MRE11: variants seen among roughly 807,000 people sequenced by gnomAD.
The protein encoded by MRE11 is double-strand break repair protein MRE11.
MRE11 carries 62 observed loss-of-function variants against 91.7 expected under a neutral mutation model. The observed-to-expected ratio is 0.68, with a 90% CI of 0.55 to 0.84. MRE11 has a LOEUF of 0.84. Ranked by LOEUF, MRE11 falls within the 40% of genes least tolerant of loss-of-function variation. The pLI is 0.00. For synonymous variants in MRE11, 273 were observed against 271.4 expected (o/e 1.01, Z -0.06); for missense variants, 796 against 852.9 (o/e 0.93, Z 0.83).
chr11:94,477,418 T>C (rs1175867805), intron 6 of MRE11, among the ~76,000 whole-genome samples: 1 of 152,112 alleles, frequency 6.6e-6, no homozygotes, highest in Non-Finnish European at 1.5e-5. Context: ...AAATATTAAA[T>C]ATTATAAAAG....
chr11:94,433,417 C>T (rs1448763115), intron 18 of MRE11, among the ~76,000 whole-genome samples: 1 of 152,212 alleles, frequency 6.6e-6, no homozygotes, highest in East Asian at 1.9e-4. Context: ...TCATCTCAAA[C>T]AACCTCCTTT....
the MRE11 span, among the ~76,000 whole-genome samples, chr11:94,509,404 T>C: frequency 2.0e-5 from 3 of 152,172 alleles, no homozygotes; most frequent in African/African-American, 7.2e-5. Flanking sequence ...CCTTGATAAA[T>C]TTATTAATTC....
the MRE11 span, among the ~76,000 whole-genome samples, chr11:94,507,798 T>C: frequency 9.2e-4 from 140 of 152,314 alleles, 1 homozygote; most frequent in African/African-American, 3.2e-3. Context: ...TTTCATGAAG[T>C]GCTTCATCTT....
upstream of MRE11, chr11:94,496,723 A>G: frequency 6.3e-7 from 1 of 1,599,202 alleles, no homozygotes; most frequent in Non-Finnish European, 8.5e-7. Context: ...ATGATGATGG[A>G]ATACCAGACC....
chr11:94,438,398 C>T (rs992832730), intron 16 of MRE11, among the ~76,000 whole-genome samples: 3 of 152,102 alleles, frequency 2.0e-5, no homozygotes, highest in African/African-American at 4.8e-5. Flanking sequence ...GGTTCTGTCC[C>T]CAAACTTGTA....
intron 14 of MRE11, among the ~76,000 whole-genome samples, chr11:94,454,569 T>C (rs1332298344): frequency 6.6e-6 from 1 of 152,128 alleles, no homozygotes. Context: ...TGAAAAAATA[T>C]ATAATATCTT....
the MRE11 span, among the ~76,000 whole-genome samples, chr11:94,503,076 T>A: frequency 6.6e-6 from 1 of 152,228 alleles, no homozygotes; most frequent in Non-Finnish European, 1.5e-5. Context: ...ATCTGCCCTG[T>A]TAAAACTTTA....
intron 14 of MRE11, among the ~76,000 whole-genome samples, chr11:94,454,349 C>G (rs1401355949): frequency 6.6e-6 from 1 of 152,116 alleles, no homozygotes; most frequent in Non-Finnish European, 1.5e-5. Context: ...GCTGAAATTA[C>G]AGGTAAGTCA....
intron 14 of MRE11, among the ~76,000 whole-genome samples, chr11:94,454,307 CAA>C (rs1946193520): frequency 6.6e-6 from 1 of 151,990 alleles, no homozygotes; most frequent in Non-Finnish European, 1.5e-5. Flanking sequence ...CTCCTGAGCT[CAA>C]GAGATCCACC....
chr11:94,511,268 G>A, the MRE11 span, among the ~76,000 whole-genome samples: 1 of 152,188 alleles, frequency 6.6e-6, no homozygotes, highest in Admixed American at 6.5e-5. Context: ...TATGTGAGCT[G>A]CCTGTTCCTC....
At chr11:94,504,223 T>C in the MRE11 span, among the ~76,000 whole-genome samples, 1 of 152,152 alleles carries the variant, frequency 6.6e-6, no homozygotes, top group Non-Finnish European at 1.5e-5. Context: ...TAAAGAGTAA[T>C]GCAGGGTTTT....
the MRE11 span, chr11:94,512,360 A>G: frequency 1.9e-6 from 1 of 531,776 alleles, no homozygotes; most frequent in Admixed American, 4.4e-5. Context: ...CAGCCCCATA[A>G]CTTCAGCACC....
In MRE11 at chr11:94,418,591, C is replaced by T. The variant is rs1169162325; in HGVS notation, c.*1534G>A. 1 of 232,368 alleles carries T rather than the reference C, an allele frequency of 4.3e-6. No homozygotes were observed. Among genetic ancestry groups the T allele is most frequent in the African/African-American group, 2.2e-5 (1 of 45,262 alleles). The allele number at this position is 232,368 out of a possible 1,614,324, so 14.4% of individuals were successfully genotyped here. A position where few individuals can be genotyped will look rare whatever the true frequency, so the allele number is the denominator to read the frequency against. On this transcript the variant is annotated 3_prime_UTR_variant, in exon 20 of 20. Transcript: ENST00000323929. Reference sequence around the variant, plus strand: ...GCACAGCATCATCCAGACACTGCCTCCCCTGGTAGCTTCCATTACATCATG... The same window carrying T: ...GCACAGCATCATCCAGACACTGCCTTCCCTGGTAGCTTCCATTACATCATG...
chr11:94,498,086 A>T, upstream of MRE11: 1 of 1,610,050 alleles, frequency 6.2e-7, no homozygotes, highest in Non-Finnish European at 8.5e-7. Flanking sequence ...CACAGTGCGG[A>T]GACTCCTTTC....
At chr11:94,509,718 C>A in the MRE11 span, among the ~76,000 whole-genome samples, 4 of 152,142 alleles carry the variant, frequency 2.6e-5, no homozygotes, top group African/African-American at 9.7e-5. Context: ...GGATTACAGG[C>A]GTGACCCACC....
intron 3 of MRE11, among the ~76,000 whole-genome samples, chr11:94,486,593 T>A (rs1197292150): frequency 6.6e-6 from 1 of 152,194 alleles, no homozygotes; most frequent in Non-Finnish European, 1.5e-5. Context: ...ATGATCCCTA[T>A]CCTAAATATG....
At chr11:94,464,354 A>T in intron 10 of MRE11, 115 bp from the exon 11 acceptor site, 1 of 1,385,372 alleles carries the variant, frequency 7.2e-7, no homozygotes, top group African/African-American at 1.5e-5. Flanking sequence ...GAAATTTATG[A>T]ATTAATTTTC....
At chr11:94,478,659 A>G in intron 6 of MRE11, 76 bp downstream of exon 6, 1 of 1,558,024 alleles carries the variant, frequency 6.4e-7, no homozygotes, top group South Asian at 1.1e-5. Context: ...CCAAACAGAT[A>G]CAAACTTATC....
chr11:94,507,432 A>T, the MRE11 span, among the ~76,000 whole-genome samples: 735 of 152,220 alleles, frequency 4.8e-3, 7 homozygotes, highest in African/African-American at 0.017. Flanking sequence ...CGCTGCCATA[A>T]ACATTCTAGT....
Sources: gnomAD v4.1 joint callset for allele counts (sites outside exome capture counted in the v4.1 genomes callset) on GRCh38, gnomAD v4.1.1 for gene constraint, MANE v1.5 for transcripts, NCBI Gene and HGNC (gene_info 2026-07-23, HGNC 2026-07-21) for gene names.